Variants in LAMA2 observed in about 807,000 individuals in gnomAD.
LAMA2 encodes laminin subunit alpha-2.
LAMA2 carries 269 observed loss-of-function variants against 364.8 expected under a neutral mutation model. The ratio of observed to expected loss-of-function variants is 0.74; its 90% CI spans 0.67 to 0.82. The LOEUF is 0.82. Ranked by LOEUF, LAMA2 falls within the 40% of genes least tolerant of loss-of-function variation. The pLI is 0.00. For missense variants in LAMA2, 3,807 were observed against 3,873.2 expected (o/e 0.98, Z 0.45); for synonymous variants, 1,379 against 1,370.6 (o/e 1.01, Z -0.14).
chr6:129,341,443 C>T (rs1013716065), intron 29 of LAMA2, among the ~76,000 whole-genome samples: 8 of 152,162 alleles, frequency 5.3e-5, no homozygotes, highest in African/African-American at 1.7e-4. Context: ...TTCCAAATTC[C>T]CTTCTTCCTT....
intron 32 of LAMA2, among the ~76,000 whole-genome samples, chr6:129,354,481 TATA>T (rs1197251871): frequency 6.6e-6 from 1 of 152,118 alleles, no homozygotes; most frequent in Non-Finnish European, 1.5e-5. Flanking sequence ...TCTTCCCAAG[TATA>T]ATGATATATT....
At chr6:129,371,032 A>G (rs1448820868) in intron 34 of LAMA2, among the ~76,000 whole-genome samples, 1 of 152,248 alleles carries the variant, frequency 6.6e-6, no homozygotes, top group Non-Finnish European at 1.5e-5. Context: ...TGCCAAATGT[A>G]TGTAGACATT....
At chr6:128,966,547 G>A (rs573810011) in intron 1 of LAMA2, among the ~76,000 whole-genome samples, 25 of 150,848 alleles carry the variant, frequency 1.7e-4, no homozygotes, top group Non-Finnish European at 3.3e-4. Flanking sequence ...GATTTTCTTG[G>A]GTAAGGCCTC....
intron 12 of LAMA2, among the ~76,000 whole-genome samples, chr6:129,197,635 G>T (rs1583228461): frequency 6.6e-6 from 1 of 152,274 alleles, no homozygotes; most frequent in Non-Finnish European, 1.5e-5. Context: ...GACCTCCTAA[G>T]GCTGTGTCAC....
In LAMA2 at chr6:129,475,444, T is replaced by G. The variant is rs763582761; in HGVS notation, c.7451+43T>G. On this transcript the variant is annotated intron_variant, in intron 53 of 64. Coordinates refer to ENST00000421865, the MANE Select transcript of LAMA2 (RefSeq NM_000426.4). ...GCATGCCTTCTTCGAGTGCATGGGT[T>G]GGGTAAATGTGGCTTCTTAGATAAA... 8 of 1,484,704 alleles carry G rather than the reference T, an allele frequency of 5.4e-6. No homozygotes were observed. The South Asian group carries it at 9.4e-5, about 17-fold the overall frequency. The allele number at this position is 1,484,704 out of a possible 1,614,324, so 92.0% of individuals were successfully genotyped here. A position where few individuals can be genotyped will look rare whatever the true frequency, so the allele number is the denominator to read the frequency against.
Position 129,032,869 on chromosome 6 carries a change from G to A in LAMA2, c.113-17049G>A, listed in dbSNP as rs1029831371. On this transcript the variant is annotated intron_variant, in intron 1 of 64. Transcript: ENST00000421865. ...TCCCGGTTTTCTCTATGAGACACTG[G>A]GTGGGTAAACTAAGATGTGTTGAGC... 2.6e-5 allele frequency among the ~76,000 whole-genome samples: 4 copies of A among 152,134 alleles called. 1 individual carries two copies. The highest frequency in any genetic ancestry group is 2.0e-4 in the Admixed American group (3 of 15,270).
chr6:129,012,046 C>G (rs969286025), intron 1 of LAMA2, among the ~76,000 whole-genome samples: 22 of 152,104 alleles, frequency 1.4e-4, no homozygotes, highest in Admixed American at 1.0e-3. Context: ...ACTCAGGACT[C>G]CATTGTAAAT....
chr6:129,312,472 G>A (rs1774290151), intron 22 of LAMA2, among the ~76,000 whole-genome samples: 1 of 152,126 alleles, frequency 6.6e-6, no homozygotes, highest in African/African-American at 2.4e-5. Flanking sequence ...AGACCGTAAG[G>A]TATGTCTCCA....
Position 129,415,950 on chromosome 6 carries a change from T to C in LAMA2, c.5866-11802T>C, listed in dbSNP as rs1248684923. Among the ~76,000 whole-genome samples the C allele has an allele frequency of 1.6e-3, 59 of 35,898 alleles. 18 individuals carry two copies. Among genetic ancestry groups the C allele is most frequent in the African/African-American group, 9.5e-3 (53 of 5,606 alleles). 23.6% of individuals were successfully genotyped at this position (35,898 alleles called of 152,430 possible). ...TGAAATTATACACTTTCTTTCTTTT[T>C]TTTTTTTTTTTTTTTTGAGACGGAG... On this transcript the variant is annotated intron_variant, in intron 40 of 64. Transcript: ENST00000421865.
At chr6:129,085,570 T>C (rs933147616) in intron 3 of LAMA2, among the ~76,000 whole-genome samples, 1 of 152,152 alleles carries the variant, frequency 6.6e-6, no homozygotes, top group Non-Finnish European at 1.5e-5. Flanking sequence ...TGGAACCAAT[T>C]AGGCCAATGT....
chr6:129,439,720 G>T (rs1782005241), intron 42 of LAMA2, among the ~76,000 whole-genome samples: 2 of 151,258 alleles, frequency 1.3e-5, no homozygotes, highest in Non-Finnish European at 2.9e-5. Flanking sequence ...TAACAACAAA[G>T]ATTATAAACA....
At chr6:129,477,347 G>A (rs1413287916) in intron 53 of LAMA2, among the ~76,000 whole-genome samples, 1 of 152,190 alleles carries the variant, frequency 6.6e-6, no homozygotes, top group African/African-American at 2.4e-5. Context: ...CTGTGGAATA[G>A]CACTGTTATA....
chr6:128,918,024 C>T (rs1226449559), intron 1 of LAMA2, among the ~76,000 whole-genome samples: 1 of 151,948 alleles, frequency 6.6e-6, no homozygotes, highest in Admixed American at 6.6e-5. Flanking sequence ...AGCCACTGCA[C>T]CTGGCTTTTA....
At chr6:129,073,360 G>T (rs1009951591) in intron 3 of LAMA2, among the ~76,000 whole-genome samples, 6 of 151,952 alleles carry the variant, frequency 3.9e-5, no homozygotes, top group African/African-American at 1.4e-4. Flanking sequence ...TGATTTTATT[G>T]GTATTAATAC....
intron 32 of LAMA2, among the ~76,000 whole-genome samples, chr6:129,359,040 C>T (rs559491651): frequency 4.6e-5 from 7 of 151,894 alleles, no homozygotes; most frequent in African/African-American, 1.4e-4. Context: ...TGGTACTTAC[C>T]TCATAGAATT....
At chr6:129,424,864 C>T (rs1781248968) in intron 40 of LAMA2, among the ~76,000 whole-genome samples, 1 of 149,718 alleles carries the variant, frequency 6.7e-6, no homozygotes, top group African/African-American at 2.5e-5. Context: ...GTATTTACTC[C>T]AAGATAAATG....
At chr6:128,929,256 C>T (rs1159424536) in intron 1 of LAMA2, 2 of 1,426,578 alleles carry the variant, frequency 1.4e-6, no homozygotes, top group Admixed American at 1.7e-5. Flanking sequence ...AAGAGACCGT[C>T]AATGGCTAAG....
At chr6:128,965,729 A>T (rs1470303060) in intron 1 of LAMA2, among the ~76,000 whole-genome samples, 1 of 152,038 alleles carries the variant, frequency 6.6e-6, no homozygotes, top group Non-Finnish European at 1.5e-5. Context: ...CAGATTAAAA[A>T]TATTTTCTGG....
At chr6:128,895,915 C>A (rs1159331517) in intron 1 of LAMA2, among the ~76,000 whole-genome samples, 1 of 152,100 alleles carries the variant, frequency 6.6e-6, no homozygotes, top group Non-Finnish European at 1.5e-5. Flanking sequence ...AAACGTGATT[C>A]TTTTCTCTGT....
Sources: gnomAD v4.1 joint callset for allele counts (sites outside exome capture counted in the v4.1 genomes callset) on GRCh38, gnomAD v4.1.1 for gene constraint, MANE v1.5 for transcripts, NCBI Gene and HGNC (gene_info 2026-07-23, HGNC 2026-07-21) for gene names.